MCM3AP: variants seen among roughly 807,000 people sequenced by gnomAD.
MCM3AP encodes germinal-center associated nuclear protein.
In MCM3AP, 126 loss-of-function variants were observed where a neutral mutation model predicts 184.1. The ratio of observed to expected loss-of-function variants is 0.68; its 90% confidence interval spans 0.59 to 0.79. The LOEUF (loss-of-function observed/expected upper bound fraction) is 0.79. MCM3AP is among the 30% of genes least tolerant of loss of function. The pLI is 0.00. For missense variants in MCM3AP, 2,496 were observed against 2,479.2 expected (o/e 1.01, Z -0.14); for synonymous variants, 1,002 against 979.3 (o/e 1.02, Z -0.43).
chr21:46,265,025 A>G (rs921581424), intron 12 of MCM3AP, among the ~76,000 whole-genome samples: 4 of 151,988 alleles, frequency 2.6e-5, no homozygotes, highest in Non-Finnish European at 5.9e-5. Flanking sequence ...CCCAGGTCAC[A>G]CCCATCAGGG....
intron 5 of MCM3AP, among the ~76,000 whole-genome samples, chr21:46,275,874 T>G (rs1344974089): frequency 6.6e-6 from 1 of 152,226 alleles, no homozygotes; most frequent in Non-Finnish European, 1.5e-5. Context: ...CTATTACACT[T>G]AAGTTACAAT....
Position 46,284,289 on chromosome 21 carries a change from C to CG in MCM3AP, c.997dup (p.Arg333ProfsTer18). 6.2e-7 allele frequency: 1 copy of CG among 1,614,200 alleles called. No individual in the cohort carries two copies. The highest frequency in any genetic ancestry group is 8.5e-7 in the Non-Finnish European group (1 of 1,180,046). ...CGTCCGACCAAATAAAGTACCTCCC[C>CG]GGGGTCGATTCAGGCGGACAGGTCG... On this transcript the variant is annotated frameshift_variant, in exon 1 of 28. Transcript: ENST00000291688. LOFTEE classifies it high-confidence loss of function.
chr21:46,263,912 G>A (rs553144464), intron 13 of MCM3AP, among the ~76,000 whole-genome samples: 11 of 148,850 alleles, frequency 7.4e-5, no homozygotes, highest in African/African-American at 1.5e-4. Context: ...CCTAAAATTC[G>A]CATGGTATCT....
intron 12 of MCM3AP, among the ~76,000 whole-genome samples, chr21:46,264,922 A>G (rs1414639597): frequency 6.6e-6 from 1 of 151,556 alleles, no homozygotes; most frequent in Non-Finnish European, 1.5e-5. Flanking sequence ...CAGTCCATGC[A>G]TATTGGGGTC....
intron 5 of MCM3AP, 86 bp from the exon 6 acceptor site, chr21:46,275,411 ATTAAAAC>A (rs1363132190): frequency 1.1e-5 from 13 of 1,186,456 alleles, no homozygotes; most frequent in Non-Finnish European, 1.5e-5. Flanking sequence ...ATAAAAAGAA[ATTAAAAC>A]TTAAAACACA....
rs1349438101 is a variant in MCM3AP, at chr21:46,272,822, G to A, written c.2204C>T (p.Thr735Met). Residue 735 changes from threonine to methionine, a missense_variant, in exon 8 of 28, where the codon ACG becomes ATG. Around this residue, in one of 5 missense-constraint regions of MCM3AP, gnomAD observed 130 missense variants for 199.8 expected, o/e 0.65. Coordinates refer to ENST00000291688, the MANE Select transcript of MCM3AP (RefSeq NM_003906.5). ...CAGGGGGTCACAGAGGTGCTGCTGC[G>A]TGATATCCTGGCCACAGGCGAGGGG... is the stretch of plus-strand genomic sequence containing the variant. Reference protein sequence around the residue: ...NRTRGIRKDITQQHLCDPLTV... With the variant: ...NRTRGIRKDIMQQHLCDPLTV... 9 of 1,587,650 alleles carry A rather than the reference G, an allele frequency of 5.7e-6. No individual in the cohort carries two copies. The highest frequency in any genetic ancestry group is 6.9e-6 in the Non-Finnish European group (8 of 1,165,518).
chr21:46,247,132 T>G (rs1164544755), intron 20 of MCM3AP: 1 of 463,388 alleles, frequency 2.2e-6, no homozygotes, highest in African/African-American at 1.9e-5. Flanking sequence ...CCTTTTTTTT[T>G]TTTTGAGAAG....
In MCM3AP at chr21:46,272,687, GTCATGTTC is replaced by G; in HGVS notation, c.2331_2338del (p.Glu777AspfsTer53). The G allele has an allele frequency of 6.2e-7, 1 of 1,614,112 alleles. No homozygotes were observed. The highest frequency in any genetic ancestry group is 8.5e-7 in the Non-Finnish European group (1 of 1,180,026). ...CTCCTTCAGGCTCTGCAGGCACTTG[GTCATGTTC>G]TCATTATTGATCTTGGCATCAAAGG... On this transcript the variant is annotated frameshift_variant, in exon 8 of 28. Coordinates refer to ENST00000291688, the MANE Select transcript of MCM3AP (RefSeq NM_003906.5). LOFTEE classifies it high-confidence loss of function.
At chr21:46,278,426 C>G (rs1437132060) in intron 4 of MCM3AP, among the ~76,000 whole-genome samples, 1 of 152,162 alleles carries the variant, frequency 6.6e-6, no homozygotes, top group Non-Finnish European at 1.5e-5. Context: ...AACTAAACTG[C>G]TCGTCACAAA....
At chr21:46,250,300 G>C (rs555525858) in intron 20 of MCM3AP, 2 of 152,360 alleles carry the variant, frequency 1.3e-5, no homozygotes, top group African/African-American at 4.8e-5. Flanking sequence ...AGACGTGGAA[G>C]GCCGAGCAAG....
chr21:46,239,078 T>G (rs150148960), intron 26 of MCM3AP, among the ~76,000 whole-genome samples: 4 of 152,008 alleles, frequency 2.6e-5, no homozygotes, highest in Admixed American at 1.3e-4. Flanking sequence ...CTGGGGAGAA[T>G]GGAGGGGCTG....
At chr21:46,241,546 CTT>C (rs1194418135) in intron 25 of MCM3AP, 1 of 155,436 alleles carries the variant, frequency 6.4e-6, no homozygotes, top group African/African-American at 2.4e-5. Flanking sequence ...TATTCTGACT[CTT>C]TATTCTGATC....
intron 13 of MCM3AP, 27 bp from the exon 14 acceptor site, chr21:46,261,438 C>A: frequency 6.2e-7 from 1 of 1,610,790 alleles, no homozygotes; most frequent in South Asian, 1.1e-5. Context: ...GGATAGCATT[C>A]AAAATCAGAG....
Position 46,256,796 on chromosome 21 carries a change from A to T in MCM3AP, c.3925T>A (p.Cys1309Ser). Residue 1309 changes from cysteine to serine, a missense_variant, in exon 17 of 28, where the codon TGC (cysteine) becomes AGC (serine). By Grantham distance (112) the Cys-to-Ser change is moderately radical. This residue lies in a region of MCM3AP where 1,323 missense variants were observed against 1,273.4 expected (regional missense o/e 1.04). Coordinates refer to ENST00000291688, the MANE Select transcript of MCM3AP (RefSeq NM_003906.5). ...GCGACAGCTGATGCTGACCTGGTGC[A>T]GGAGATGCCCAATCTCCCTGCATGG... ...LGHAGRLGIS[C>S]TRLRRLRNKT... 2 of 1,552,862 alleles carry T rather than the reference A, an allele frequency of 1.3e-6. No homozygotes were observed. Among genetic ancestry groups the T allele is most frequent in the Non-Finnish European group, 1.7e-6 (2 of 1,148,050 alleles).
chr21:46,266,397 T>G, intron 10 of MCM3AP: 1 of 409,844 alleles, frequency 2.4e-6, no homozygotes, highest in Non-Finnish European at 4.3e-6. Flanking sequence ...TCCTGCCTCC[T>G]TGCTGGCTCA....
rs1179783496 is a variant in MCM3AP, at chr21:46,272,546, G to C, written c.2465+15C>G. On this transcript the variant is annotated intron_variant, in intron 8 of 27. Transcript: ENST00000291688. ...TTCAGCCACCTTAGGACAACTTTTGGATGTGAAAATTCACCTTAGGATGTC... is the reference window on the plus strand; with the variant it reads ...TTCAGCCACCTTAGGACAACTTTTGCATGTGAAAATTCACCTTAGGATGTC... 1 of 1,608,928 alleles carries C rather than the reference G, an allele frequency of 6.2e-7. No individual in the cohort carries two copies.
intron 19 of MCM3AP, chr21:46,252,497 G>C (rs1038735959): frequency 6.6e-6 from 1 of 151,306 alleles, no homozygotes; most frequent in East Asian, 2.0e-4. Context: ...GACCAGCCTG[G>C]GCAACATCAC....
At chr21:46,244,197 T>C (rs1227735150) in intron 23 of MCM3AP, among the ~76,000 whole-genome samples, 1 of 152,256 alleles carries the variant, frequency 6.6e-6, no homozygotes, top group Non-Finnish European at 1.5e-5. Flanking sequence ...TCTGTGCTAA[T>C]GCCACAACTT....
rs201651006 is a variant in MCM3AP, at chr21:46,280,452, A to G, written c.1522+45T>C. On this transcript the variant is annotated intron_variant, in intron 3 of 27. Transcript: ENST00000291688. Reference sequence around the variant, plus strand: ...GAGATCTCATCTCTATAAAATAAATAAAAATAATTTTTTTAAAAAGTGAAA... The same window carrying G: ...GAGATCTCATCTCTATAAAATAAATGAAAATAATTTTTTTAAAAAGTGAAA... 6,859 of 1,398,310 alleles carry G rather than the reference A, an allele frequency of 4.9e-3. 32 individuals are homozygous for G. The highest frequency in any genetic ancestry group is 5.9e-3 in the Non-Finnish European group (5,905 of 1,004,726). 86.6% of individuals were successfully genotyped at this position (1,398,310 alleles called of 1,614,324 possible).
Sources: allele counts gnomAD v4.1 joint callset (sites outside exome capture counted in the v4.1 genomes callset), GRCh38; gene constraint gnomAD v4.1.1; regional missense constraint gnomAD v4.1.1; transcripts MANE v1.5; gene names NCBI Gene and HGNC (gene_info 2026-07-23, HGNC 2026-07-21).